The following TTC7B variants were observed in gnomAD, a reference collection of about 807,000 sequenced individuals.
TTC7B encodes the protein tetratricopeptide repeat domain 7B.
Under a neutral mutation model 106.8 loss-of-function variants are expected in TTC7B, and 28 were observed. The ratio of observed to expected loss-of-function variants is 0.26; its 90% CI spans 0.19 to 0.36. TTC7B has a LOEUF of 0.36. TTC7B is among the 10% of genes least tolerant of loss of function. The pLI is 1.00. For missense variants in TTC7B, 862 were observed against 1,076.4 expected (o/e 0.80, Z 2.79); for synonymous variants, 405 against 430.6 (o/e 0.94, Z 0.74).
At chr14:90,545,561 G>T (rs552153473) in intron 19 of TTC7B, among the ~76,000 whole-genome samples, 1 of 152,176 alleles carries the variant, frequency 6.6e-6, no homozygotes, top group African/African-American at 2.4e-5. Context: ...CATTCTGTCC[G>T]CCAGAAAGTG....
chr14:90,753,349 C>T (rs988887705), intron 3 of TTC7B, among the ~76,000 whole-genome samples: 1 of 152,156 alleles, frequency 6.6e-6, no homozygotes, highest in Non-Finnish European at 1.5e-5. Context: ...CAACCCAGCC[C>T]CATGGTATAG....
chr14:90,643,215 T>C (rs1384617158), intron 15 of TTC7B, among the ~76,000 whole-genome samples: 1 of 152,078 alleles, frequency 6.6e-6, no homozygotes, highest in African/African-American at 2.4e-5. Context: ...AAGGCCAGCC[T>C]GACCAACATG....
chr14:90,735,940 T>C (rs1397002027), intron 4 of TTC7B, among the ~76,000 whole-genome samples: 1 of 152,062 alleles, frequency 6.6e-6, no homozygotes, highest in Admixed American at 6.6e-5. Flanking sequence ...ATAAAAGTAA[T>C]GAGTAGTTAC....
In TTC7B at chr14:90,657,400, C is replaced by A; in HGVS notation, c.1237-122G>T. On this transcript the variant is annotated intron_variant, in intron 10 of 19. Transcript: ENST00000328459. This position sits in a 1 kb window ranked among gnomAD's most constrained non-coding sequence, Gnocchi z 4.2. ...TCGTGGGCTTGTCCAACTTTAAGCC[C>A]AAGCAAGCGGGGGCCTGAGGTGCAT... 1 of 854,736 alleles carries A rather than the reference C, an allele frequency of 1.2e-6. No homozygotes were observed. The highest frequency in any genetic ancestry group is 1.8e-6 in the Non-Finnish European group (1 of 556,292). The allele number at this position is 854,736 out of a possible 1,614,324, so 52.9% of individuals were successfully genotyped here. A position where few individuals can be genotyped will look rare whatever the true frequency, so the allele number is the denominator to read the frequency against.
At chr14:90,703,290 C>T (rs1259769088) in intron 5 of TTC7B, among the ~76,000 whole-genome samples, 2 of 152,184 alleles carry the variant, frequency 1.3e-5, no homozygotes, top group Admixed American at 1.3e-4. Context: ...AACAAAATGA[C>T]TTCATTCATC....
At chr14:90,732,686 A>AT (rs894794703) in intron 4 of TTC7B, among the ~76,000 whole-genome samples, 2 of 150,724 alleles carry the variant, frequency 1.3e-5, no homozygotes, top group African/African-American at 2.5e-5. Context: ...CTCCTGAAAA[A>AT]TTTTTCATAA....
intron 16 of TTC7B, among the ~76,000 whole-genome samples, chr14:90,616,540 C>T (rs1343513996): frequency 9.6e-5 from 12 of 125,016 alleles, no homozygotes; most frequent in African/African-American, 2.4e-4. Context: ...GGCTGCCTGG[C>T]GGTGGGCAGG....
intron 11 of TTC7B, among the ~76,000 whole-genome samples, chr14:90,655,701 A>G (rs1251896456): frequency 1.3e-5 from 2 of 152,206 alleles, no homozygotes; most frequent in African/African-American, 4.8e-5. Flanking sequence ...ATTAGAGGCA[A>G]AAAGAGTAAG....
At chr14:90,795,806 G>T (rs1891755864) in intron 1 of TTC7B, among the ~76,000 whole-genome samples, 1 of 152,190 alleles carries the variant, frequency 6.6e-6, no homozygotes, top group Admixed American at 6.5e-5. Flanking sequence ...TGTTCAACAG[G>T]CCTGCAATGT....
intron 15 of TTC7B, among the ~76,000 whole-genome samples, chr14:90,623,335 A>G (rs1467340466): frequency 6.6e-6 from 1 of 152,196 alleles, no homozygotes; most frequent in Non-Finnish European, 1.5e-5. Flanking sequence ...AATTTGCCCA[A>G]ATTAACACCA....
intron 18 of TTC7B, 50 bp downstream of exon 18, chr14:90,593,435 CG>C (rs1892051966): frequency 7.9e-6 from 12 of 1,510,600 alleles, no homozygotes; most frequent in Non-Finnish European, 1.1e-5. Flanking sequence ...GTGGGTGGGG[CG>C]GAGCCCAGGC....
chr14:90,558,455 G>A (rs1254421344), intron 19 of TTC7B, among the ~76,000 whole-genome samples: 1 of 152,280 alleles, frequency 6.6e-6, no homozygotes, highest in Non-Finnish European at 1.5e-5. Flanking sequence ...ACACCGCTGT[G>A]TGACACAAAG....
intron 8 of TTC7B, among the ~76,000 whole-genome samples, chr14:90,679,941 T>C (rs917360243): frequency 1.3e-5 from 2 of 152,234 alleles, no homozygotes; most frequent in Admixed American, 1.3e-4. Context: ...CCTGGGACTT[T>C]ACAGTGTCTG....
At position 90,692,735 on chromosome 14, in the gene TTC7B, A is replaced by C. The variant is rs143592621; in HGVS notation, c.777+2765T>G. On this transcript the variant is annotated intron_variant, in intron 6 of 19. Coordinates refer to ENST00000328459, the MANE Select transcript of TTC7B (RefSeq NM_001010854.2). The stretch of plus-strand genomic sequence containing the variant: ...GGGAAGTTTTATGAATACTGAGAAG[A>C]GGTAAATTTGAGAGAAAAGACAGCT... Among the ~76,000 whole-genome samples, 835 of 152,330 alleles carry C rather than the reference A, an allele frequency of 5.5e-3. 6 individuals carry two copies. Among genetic ancestry groups the C allele is most frequent in the Non-Finnish European group, 8.6e-3 (586 of 68,024 alleles).
chr14:90,774,789 C>T (rs576804718), intron 3 of TTC7B, among the ~76,000 whole-genome samples: 99 of 152,310 alleles, frequency 6.5e-4, no homozygotes, highest in Non-Finnish European at 1.2e-3. Flanking sequence ...CCTGTAATCC[C>T]AGCACTTTGG....
Position 90,699,555 on chromosome 14 carries a change from AC to A in TTC7B, c.699-3978del, listed in dbSNP as rs371154906. Among the ~76,000 whole-genome samples, 397 of 152,272 alleles carry A rather than the reference AC, an allele frequency of 2.6e-3. 2 individuals are homozygous for A. The highest frequency in any genetic ancestry group is 9.1e-3 in the African/African-American group (378 of 41,536). ...CTCAAAGTAGTAGTGTGAATAAAAGACTGGGTCAATTTCCTGGGTAATGAGG... is the reference window on the plus strand; with the variant it reads ...CTCAAAGTAGTAGTGTGAATAAAAGATGGGTCAATTTCCTGGGTAATGAGG... On this transcript the variant is annotated intron_variant, in intron 5 of 19. Transcript: ENST00000328459.
intron 17 of TTC7B, chr14:90,602,276 G>C (rs1309450379): frequency 2.2e-6 from 1 of 454,546 alleles, no homozygotes; most frequent in Non-Finnish European, 4.4e-6. Context: ...CATTTAATGT[G>C]GTTAATGTGA....
intron 3 of TTC7B, among the ~76,000 whole-genome samples, chr14:90,765,074 T>A (rs982101501): frequency 6.6e-6 from 1 of 152,240 alleles, no homozygotes; most frequent in Non-Finnish European, 1.5e-5. Context: ...CACCAACTGA[T>A]GAATGGATTA....
intron 9 of TTC7B, among the ~76,000 whole-genome samples, chr14:90,661,561 G>A (rs953774300): frequency 6.6e-6 from 1 of 152,066 alleles, no homozygotes; most frequent in South Asian, 2.1e-4. Context: ...GATGGAGGAG[G>A]AGGAGATGAG....
Sources: gnomAD v4.1 joint callset for allele counts (sites outside exome capture counted in the v4.1 genomes callset) on GRCh38, gnomAD v4.1.1 for gene constraint, Gnocchi (gnomAD v3.1) non-coding constraint, MANE v1.5 for transcripts, NCBI Gene and HGNC (gene_info 2026-07-23, HGNC 2026-07-21) for gene names.